CORO2A: variants seen among roughly 807,000 people sequenced by gnomAD.
CORO2A encodes the protein coronin 2A, also known as coronin-2A.
CORO2A carries 47 observed loss-of-function variants against 62.4 expected under a neutral mutation model. That is an observed-to-expected ratio of 0.75 (90% CI 0.60 to 0.96). The LOEUF (loss-of-function observed/expected upper bound fraction) is 0.96, where lower values mean the gene tolerates loss of function less well. CORO2A is among the 40% of genes least tolerant of loss of function. CORO2A has a pLI of 0.00. For missense variants in CORO2A, 610 were observed against 684.1 expected (o/e 0.89, Z 1.21); for synonymous variants, 273 against 268.9 (o/e 1.02, Z -0.15).
Position 98,133,177 on chromosome 9 carries a change from G to A in CORO2A, c.509C>T (p.Thr170Ile). ...WNLDTKESVITSPMSTISCHQ... is the reference protein window; with the variant it reads ...WNLDTKESVIISPMSTISCHQ... ...ACAGCTAATCGTACTCATGGGGCTT[G>A]TGATGACAGACTCCTTTGTATCCAG... The change falls in exon 5 of 12, where the codon ACA becomes ATA. Residue 170 changes from threonine (T) to isoleucine (I), a missense_variant. Coordinates refer to ENST00000375077, the MANE Select transcript of CORO2A (RefSeq NM_052820.4). The A allele has an allele frequency of 6.2e-7, 1 of 1,614,244 alleles. No individual in the cohort carries two copies. Among genetic ancestry groups the A allele is most frequent in the Non-Finnish European group, 8.5e-7 (1 of 1,180,038 alleles).
At position 98,129,721 on chromosome 9, in the gene CORO2A, G is replaced by A. The variant is rs573900863; in HGVS notation, c.967+73C>T. The A allele has an allele frequency of 8.5e-6, 10 of 1,170,672 alleles. No individual in the cohort carries two copies. The Admixed American group carries it at 1.7e-4, about 20-fold the overall frequency. The allele number at this position is 1,170,672 out of a possible 1,614,324, so 72.5% of individuals were successfully genotyped here. On this transcript the variant is annotated intron_variant, in intron 8 of 11. Coordinates refer to ENST00000375077, the MANE Select transcript of CORO2A (RefSeq NM_052820.4). ...TCCCCAGACCCCGCACTGAAGCCCT[G>A]ACCCTGATTCTCCCACCTCGGCCTC...
chr9:98,129,867 G>A lies in CORO2A; in HGVS notation c.894C>T (p.Tyr298=), dbSNP rs147305904. ...VGKGDGNIRY[Y]EVSADKPHLS... is the part of the protein sequence containing the mutation. Reference sequence around the variant, plus strand: ...GGTGAGGCTTGTCGGCGCTCACCTCGTAGTAGCGGATGTTGCCATCTCCCT... The same window carrying A: ...GGTGAGGCTTGTCGGCGCTCACCTCATAGTAGCGGATGTTGCCATCTCCCT... The change falls in exon 8 of 12, where the codon TAC becomes TAT. Residue 298 remains tyrosine (Y), a synonymous_variant. Coordinates refer to ENST00000375077, the MANE Select transcript of CORO2A (RefSeq NM_052820.4). 3.8e-5 allele frequency: 61 copies of A among 1,613,852 alleles called. No individual in the cohort carries two copies. The highest frequency in any genetic ancestry group is 1.6e-4 in the Middle Eastern group (1 of 6,062).
intron 11 of CORO2A, among the ~76,000 whole-genome samples, chr9:98,126,298 T>G (rs573290350): frequency 6.6e-6 from 1 of 152,296 alleles, no homozygotes; most frequent in Non-Finnish European, 1.5e-5. Context: ...CCTCCCAAAG[T>G]GCTGGGATTA....
At chr9:98,140,858 G>A (rs540470560) in intron 2 of CORO2A, among the ~76,000 whole-genome samples, 1 of 152,254 alleles carries the variant, frequency 6.6e-6, no homozygotes, top group South Asian at 2.1e-4. Flanking sequence ...AGACACCTCC[G>A]CCTAGACTGG....
chr9:98,152,128 T>TTTG lies in CORO2A; in HGVS notation c.201+5331_201+5332insCAA, dbSNP rs1038242359. On this transcript the variant is annotated intron_variant, in intron 2 of 11. Coordinates refer to ENST00000375077, the MANE Select transcript of CORO2A (RefSeq NM_052820.4). The stretch of plus-strand genomic sequence containing the variant: ...CACTGCACCCGGCCTCTTTTGCTGT[T>TTTG]TTTTTTTTTTGTTTTTTCTTTAAGG... Among the ~76,000 whole-genome samples, 32 of 149,730 alleles carry TTTG rather than the reference T, an allele frequency of 2.1e-4. No homozygotes were observed. In the East Asian group the frequency reaches 5.7e-3, roughly 26 times the overall value.
intron 1 of CORO2A, among the ~76,000 whole-genome samples, chr9:98,175,534 C>A (rs1828096308): frequency 1.3e-5 from 2 of 152,236 alleles, no homozygotes; most frequent in Admixed American, 1.3e-4. Context: ...GCTGTGAAAG[C>A]CCCTCTCTGG....
intron 2 of CORO2A, among the ~76,000 whole-genome samples, chr9:98,138,289 C>T (rs1827516309): frequency 6.6e-6 from 1 of 151,896 alleles, no homozygotes; most frequent in East Asian, 1.9e-4. Flanking sequence ...GTAGCATGCA[C>T]CTGTAATCCC....
At chr9:98,145,110 A>G (rs1334103870) in intron 2 of CORO2A, among the ~76,000 whole-genome samples, 1 of 152,104 alleles carries the variant, frequency 6.6e-6, no homozygotes, top group African/African-American at 2.4e-5. Context: ...CACCCAGATG[A>G]GCCTTTGGAG....
chr9:98,171,163 G>A (rs953283363), intron 1 of CORO2A, among the ~76,000 whole-genome samples: 5 of 152,202 alleles, frequency 3.3e-5, no homozygotes, highest in African/African-American at 7.2e-5. Context: ...CTCACTGTCC[G>A]CTTTCTGGCA....
intron 1 of CORO2A, among the ~76,000 whole-genome samples, chr9:98,176,185 G>A (rs1828107004): frequency 6.6e-6 from 1 of 152,198 alleles, no homozygotes; most frequent in African/African-American, 2.4e-5. Flanking sequence ...TGAACCGAAT[G>A]AAAGCAGAGA....
At position 98,157,518 on chromosome 9, in the gene CORO2A, A is replaced by G. The variant is rs1193953744; in HGVS notation, c.143T>C (p.Ile48Thr). ...ACCAGCACACTCAGTCACAACTGCA[A>G]TGAAGTGGGGGTTCACGGCACAGAA... ...NHFCAVNPHFIAVVTECAGGG... is the reference protein window; with the variant it reads ...NHFCAVNPHFTAVVTECAGGG... The change falls in exon 2 of 12, where the codon ATT (isoleucine) becomes ACT (threonine). Residue 48 changes from isoleucine to threonine, a missense_variant. Transcript: ENST00000375077. 1.9e-6 allele frequency: 3 copies of G among 1,614,102 alleles called. No homozygotes were observed. Among genetic ancestry groups the G allele is most frequent in the Admixed American group, 1.7e-5 (1 of 60,010 alleles).
intron 1 of CORO2A, among the ~76,000 whole-genome samples, chr9:98,192,240 G>C (rs983169433): frequency 2.0e-5 from 3 of 152,234 alleles, no homozygotes; most frequent in Admixed American, 6.5e-5. Flanking sequence ...CCTCACCGCG[G>C]GCAGGAGGGG....
chr9:98,126,693 A>C lies in CORO2A; in HGVS notation c.1302T>G (p.Ala434=). The C allele has an allele frequency of 6.2e-7, 1 of 1,614,220 alleles. No homozygotes were observed. The highest frequency in any genetic ancestry group is 2.2e-5 in the East Asian group (1 of 44,880). ...AGGAAGACCTCCAGCCATCTTCTGC[A>C]GCCAGCTTTTCTGTCTGATTCAAGA... is the stretch of plus-strand genomic sequence containing the variant. The part of the protein sequence containing the change: ...PRLLNQTEKL[A]AEDGWRSSSL... The change falls in exon 11 of 12, where the codon GCT becomes GCG. Residue 434 remains alanine, a synonymous_variant. Coordinates refer to ENST00000375077, the MANE Select transcript of CORO2A (RefSeq NM_052820.4).
chr9:98,145,178 C>T (rs369037410), intron 2 of CORO2A, among the ~76,000 whole-genome samples: 2 of 152,142 alleles, frequency 1.3e-5, no homozygotes, highest in Admixed American at 6.5e-5. Context: ...GCTGGTGTCC[C>T]CACTTGGTCA....
chr9:98,159,445 C>T (rs910020442), intron 1 of CORO2A, among the ~76,000 whole-genome samples: 1 of 152,048 alleles, frequency 6.6e-6, no homozygotes, highest in Admixed American at 6.5e-5. Context: ...GGGTCTCATT[C>T]CATATTCCAA....
chr9:98,154,254 A>C (rs1827768883), intron 2 of CORO2A, among the ~76,000 whole-genome samples: 1 of 148,848 alleles, frequency 6.7e-6, no homozygotes, highest in African/African-American at 2.5e-5. Context: ...AAAGATTAGA[A>C]TCTGTTCCTT....
chr9:98,126,991 G>A, intron 10 of CORO2A, 168 bp from the exon 11 acceptor site: 1 of 714,198 alleles, frequency 1.4e-6, no homozygotes, highest in Non-Finnish European at 2.3e-6. Context: ...CACAGAGCAG[G>A]GCTAACAGAT....
chr9:98,148,709 G>C (rs1439724906), intron 2 of CORO2A, among the ~76,000 whole-genome samples: 1 of 151,902 alleles, frequency 6.6e-6, no homozygotes, highest in Non-Finnish European at 1.5e-5. Context: ...ATATGATCAT[G>C]CCACTGCATT....
At chr9:98,155,312 A>G (rs935714580) in intron 2 of CORO2A, among the ~76,000 whole-genome samples, 45 of 107,278 alleles carry the variant, frequency 4.2e-4, no homozygotes, top group Admixed American at 3.8e-3. Context: ...TCCTTTTGCT[A>G]TTTTCTTTAA....
Sources: allele counts gnomAD v4.1 joint callset (sites outside exome capture counted in the v4.1 genomes callset), GRCh38; gene constraint gnomAD v4.1.1; transcripts MANE v1.5; gene names NCBI Gene and HGNC (gene_info 2026-07-23, HGNC 2026-07-21).